The following PIERCE1 variants were observed in gnomAD, a reference collection of about 807,000 sequenced individuals.
The protein encoded by PIERCE1 is piercer of microtubule wall 1 protein.
chr9:135,497,655 C>T, the PIERCE1 span, among the ~76,000 whole-genome samples: 1 of 152,168 alleles, frequency 6.6e-6, no homozygotes, highest in East Asian at 1.9e-4. Context: ...GATCTCTGAG[C>T]CTCAAGTGAT....
At chr9:135,495,699 T>C in the PIERCE1 span, 17 of 1,307,096 alleles carry the variant, frequency 1.3e-5, no homozygotes, top group Non-Finnish European at 1.8e-5. Context: ...AAAATAAGAA[T>C]TCATAAGAAA....
the PIERCE1 span, chr9:135,499,134 G>A: frequency 2.1e-5 from 6 of 286,498 alleles, no homozygotes; most frequent in Non-Finnish European, 4.1e-5. Flanking sequence ...GAGGCTGCAG[G>A]CCCACGACAT....
chr9:135,499,454 C>G, the PIERCE1 span: 1 of 697,242 alleles, frequency 1.4e-6, no homozygotes, highest in Non-Finnish European at 2.7e-6. Context: ...CGACACAAAT[C>G]AGTGGAGCTG....
At chr9:135,495,732 A>T in the PIERCE1 span, 1 of 986,622 alleles carries the variant, frequency 1.0e-6, no homozygotes, top group Non-Finnish European at 1.5e-6. Flanking sequence ...CAGAGTGGGT[A>T]GGATGGCCTG....
chr9:135,496,849 G>A, the PIERCE1 span, among the ~76,000 whole-genome samples: 9,825 of 148,782 alleles, frequency 0.066, 345 homozygotes, highest in South Asian at 0.11. Context: ...CCACGCCGGC[G>A]TGCAATGGCG....
the PIERCE1 span, chr9:135,495,584 GA>G: frequency 6.2e-7 from 1 of 1,613,784 alleles, no homozygotes. Flanking sequence ...AAGTTGTTGG[GA>G]AAATTTATTC....
chr9:135,499,423 A>C, the PIERCE1 span: 7 of 656,294 alleles, frequency 1.1e-5, no homozygotes, highest in South Asian at 1.5e-5. Context: ...GTTTCAGGGT[A>C]GAGAGGAGAG....
At chr9:135,495,541 G>A in the PIERCE1 span, 1 of 1,614,170 alleles carries the variant, frequency 6.2e-7, no homozygotes, top group Admixed American at 1.7e-5. Context: ...GGTAAACATT[G>A]AGAGTATTGT....
chr9:135,498,269 G>GT, the PIERCE1 span, among the ~76,000 whole-genome samples: 1 of 151,928 alleles, frequency 6.6e-6, no homozygotes, highest in Non-Finnish European at 1.5e-5. This position sits in a 1 kb window ranked among gnomAD's most constrained non-coding sequence, Gnocchi z 4.1. Flanking sequence ...GCAGGAGATG[G>GT]TTGCGTGTGT....
chr9:135,497,563 G>A, the PIERCE1 span, among the ~76,000 whole-genome samples: 1 of 152,034 alleles, frequency 6.6e-6, no homozygotes, highest in Non-Finnish European at 1.5e-5. Flanking sequence ...GGGACTACAG[G>A]TGCATGCCAC....
chr9:135,498,315 G>A, the PIERCE1 span, among the ~76,000 whole-genome samples: 1 of 152,100 alleles, frequency 6.6e-6, no homozygotes, highest in Non-Finnish European at 1.5e-5. The surrounding 1 kb of genome is among the most constrained non-coding windows in gnomAD (Gnocchi z 4.1). Context: ...TTGGGTGTAT[G>A]GGGGCAGGGT....
At chr9:135,497,894 G>A in the PIERCE1 span, among the ~76,000 whole-genome samples, 86,369 of 152,038 alleles carry the variant, frequency 0.57, 25,444 homozygotes, top group East Asian at 0.9. Flanking sequence ...GACCTTTTCA[G>A]TGATGAATGC....
the PIERCE1 span, chr9:135,498,785 G>A: frequency 1.1e-6 from 1 of 901,076 alleles, no homozygotes; most frequent in South Asian, 1.5e-5. This position sits in a 1 kb window ranked among gnomAD's most constrained non-coding sequence, Gnocchi z 4.1. Flanking sequence ...ATATGCCCGG[G>A]CTGGTGATGT....
At chr9:135,498,440 C>T in the PIERCE1 span, 1 of 650,792 alleles carries the variant, frequency 1.5e-6, no homozygotes, top group African/African-American at 1.8e-5. The surrounding 1 kb of genome is among the most constrained non-coding windows in gnomAD (Gnocchi z 4.1). Context: ...CCCTCCTCCC[C>T]ATTTGTGATG....
At chr9:135,495,236 A>G in the PIERCE1 span, 1 of 574,442 alleles carries the variant, frequency 1.7e-6, no homozygotes, top group African/African-American at 1.9e-5. Context: ...TTTCCCATGT[A>G]CTTATTAGAT....
At chr9:135,496,094 C>T in the PIERCE1 span, among the ~76,000 whole-genome samples, 3 of 152,140 alleles carry the variant, frequency 2.0e-5, no homozygotes, top group Non-Finnish European at 4.4e-5. Flanking sequence ...GCAGGTGGAT[C>T]GCCTCAGGTC....
the PIERCE1 span, chr9:135,495,221 G>A: frequency 1.9e-6 from 1 of 515,092 alleles, no homozygotes; most frequent in East Asian, 3.2e-5. Flanking sequence ...TCAACCATTA[G>A]CATCTTTCCC....
the PIERCE1 span, chr9:135,498,542 A>G: frequency 3.0e-5 from 48 of 1,587,322 alleles, no homozygotes; most frequent in Non-Finnish European, 4.1e-5. This position sits in a 1 kb window ranked among gnomAD's most constrained non-coding sequence, Gnocchi z 4.1. Context: ...TCTTGAGGCC[A>G]CCCACCCCCT....
chr9:135,498,690 C>T, the PIERCE1 span: 1 of 1,590,724 alleles, frequency 6.3e-7, no homozygotes, highest in Non-Finnish European at 8.6e-7. This position sits in a 1 kb window ranked among gnomAD's most constrained non-coding sequence, Gnocchi z 4.1. Context: ...ACTCTATTTT[C>T]ATTCATTTAC....
Sources: allele counts gnomAD v4.1 joint callset (sites outside exome capture counted in the v4.1 genomes callset), GRCh38; gene constraint gnomAD v4.1.1; non-coding constraint Gnocchi (gnomAD v3.1); transcripts MANE v1.5; gene names NCBI Gene and HGNC (gene_info 2026-07-23, HGNC 2026-07-21).